KLHL1: variants seen among roughly 807,000 people sequenced by gnomAD.
KLHL1 encodes kelch like family member 1.
Under a neutral mutation model 77.7 loss-of-function variants are expected in KLHL1, and 47 were observed. The observed-to-expected ratio is 0.60, with a 90% confidence interval of 0.48 to 0.77. The LOEUF (loss-of-function observed/expected upper bound fraction) is 0.77. Ranked by LOEUF, KLHL1 falls within the 30% of genes least tolerant of loss-of-function variation. The pLI is 0.00. For synonymous variants in KLHL1, 360 were observed against 325.2 expected, an observed-to-expected ratio of 1.11 and a Z score of -1.15; for missense variants, 925 against 910.8, an observed-to-expected ratio of 1.02 and a Z score of -0.20.
intron 1 of KLHL1, among the ~76,000 whole-genome samples, chr13:70,008,416 A>G (rs899022912): frequency 1.3e-4 from 20 of 152,076 alleles, no homozygotes; most frequent in Admixed American, 9.2e-4. Flanking sequence ...CTATGAACAT[A>G]TAAGTGTGTA....
chr13:69,924,521 C>A (rs1015910840), intron 4 of KLHL1, among the ~76,000 whole-genome samples: 6 of 152,158 alleles, frequency 3.9e-5, no homozygotes, highest in African/African-American at 1.4e-4. Context: ...CAGAGTGAAG[C>A]TACCCACAGA....
At chr13:69,863,898 A>G (rs1880269016) in intron 5 of KLHL1, among the ~76,000 whole-genome samples, 1 of 152,002 alleles carries the variant, frequency 6.6e-6, no homozygotes, top group Admixed American at 6.6e-5. Flanking sequence ...TGAGCTATGA[A>G]CCTTGCCTTG....
chr13:69,907,934 A>G lies in KLHL1; in HGVS notation c.1015-25439T>C, dbSNP rs567753180. On this transcript the variant is annotated intron_variant, in intron 4 of 10. Transcript: ENST00000377844. Reference sequence around the variant, plus strand: ...ATGGTGGGAGTGAAGAAAAGGGAGAATCTATTTCAGCCACCAATTTATTAG... The same window carrying G: ...ATGGTGGGAGTGAAGAAAAGGGAGAGTCTATTTCAGCCACCAATTTATTAG... Among the ~76,000 whole-genome samples the G allele has an allele frequency of 2.0e-5, 3 of 152,224 alleles. No individual in the cohort carries two copies. In the South Asian group the frequency reaches 6.2e-4, roughly 32 times the overall value.
At chr13:69,864,090 A>G (rs1448190131) in intron 5 of KLHL1, among the ~76,000 whole-genome samples, 1 of 151,990 alleles carries the variant, frequency 6.6e-6, no homozygotes, top group Non-Finnish European at 1.5e-5. Flanking sequence ...TGAAAAAAAA[A>G]TTCTTTTTCT....
intron 1 of KLHL1, among the ~76,000 whole-genome samples, chr13:70,068,098 T>C (rs1405215542): frequency 6.6e-6 from 1 of 150,498 alleles, no homozygotes; most frequent in Non-Finnish European, 1.5e-5. Flanking sequence ...TCCCAGCACT[T>C]TGGGAGGCCG....
At chr13:70,022,320 G>C (rs1343708521) in intron 1 of KLHL1, among the ~76,000 whole-genome samples, 1 of 148,496 alleles carries the variant, frequency 6.7e-6, no homozygotes, top group Non-Finnish European at 1.5e-5. Context: ...TTTGGTTGTA[G>C]GATCTCTATT....
At chr13:69,801,174 G>C (rs1593844706) in intron 6 of KLHL1, among the ~76,000 whole-genome samples, 1 of 152,100 alleles carries the variant, frequency 6.6e-6, no homozygotes, top group East Asian at 1.9e-4. Context: ...AGGCATGACA[G>C]AGTCCTGACC....
chr13:69,762,945 T>A (rs996358217), intron 7 of KLHL1, among the ~76,000 whole-genome samples: 11 of 152,042 alleles, frequency 7.2e-5, no homozygotes, highest in African/African-American at 2.2e-4. Context: ...TCTTGCTCCA[T>A]AATCAGTCAG....
At chr13:70,051,544 T>C (rs2137392462) in intron 1 of KLHL1, among the ~76,000 whole-genome samples, 1 of 152,192 alleles carries the variant, frequency 6.6e-6, no homozygotes, top group Admixed American at 6.5e-5. Context: ...AAGCACTTTA[T>C]CTAGACCATT....
chr13:69,837,644 G>C (rs905843349), intron 6 of KLHL1, among the ~76,000 whole-genome samples: 1 of 123,828 alleles, frequency 8.1e-6, no homozygotes. Context: ...ATATATATAT[G>C]TGTATATATA....
chr13:69,937,679 A>T (rs762029316), intron 4 of KLHL1, among the ~76,000 whole-genome samples: 6 of 152,174 alleles, frequency 3.9e-5, no homozygotes, highest in Admixed American at 2.6e-4. Context: ...AAAATTCTCC[A>T]GTATTTTGCA....
chr13:69,708,213 C>A (rs140589505), intron 9 of KLHL1, among the ~76,000 whole-genome samples: 130 of 151,992 alleles, frequency 8.6e-4, no homozygotes, highest in Non-Finnish European at 1.4e-3. Flanking sequence ...TCCTTTAAAC[C>A]AGTTCTGAAA....
chr13:70,043,091 G>A (rs555052179), intron 1 of KLHL1, among the ~76,000 whole-genome samples: 2 of 152,266 alleles, frequency 1.3e-5, no homozygotes, highest in South Asian at 4.1e-4. Flanking sequence ...ATTTAGTGGA[G>A]ACTGGGTTTC....
chr13:70,091,067 T>C (rs1174810299), intron 1 of KLHL1, among the ~76,000 whole-genome samples: 3 of 152,192 alleles, frequency 2.0e-5, no homozygotes, highest in Admixed American at 2.0e-4. Context: ...CCCGTGCTTA[T>C]GACTCTCAAC....
intron 1 of KLHL1, among the ~76,000 whole-genome samples, chr13:70,091,626 C>T (rs1323763920): frequency 6.6e-6 from 1 of 152,144 alleles, no homozygotes; most frequent in Non-Finnish European, 1.5e-5. Flanking sequence ...ACCTTTCCTT[C>T]AAATCCTAAT....
At chr13:69,750,498 A>G (rs1874427315) in intron 7 of KLHL1, among the ~76,000 whole-genome samples, 1 of 151,782 alleles carries the variant, frequency 6.6e-6, no homozygotes, top group Non-Finnish European at 1.5e-5. Flanking sequence ...GATATTAAAT[A>G]TACATGTATG....
At chr13:69,998,812 G>C (rs557414999) in intron 1 of KLHL1, among the ~76,000 whole-genome samples, 3 of 151,980 alleles carry the variant, frequency 2.0e-5, no homozygotes, top group Non-Finnish European at 4.4e-5. Context: ...TAGTCTGAAG[G>C]CTCAACTGCA....
At chr13:69,918,574 G>A (rs762989354) in intron 4 of KLHL1, among the ~76,000 whole-genome samples, 1 of 151,352 alleles carries the variant, frequency 6.6e-6, no homozygotes, top group South Asian at 2.1e-4. Flanking sequence ...TACACACTTA[G>A]TTAATGGCAG....
At position 70,108,086 on chromosome 13, in the gene KLHL1, C is replaced by T. The variant is rs1888122178; in HGVS notation, c.-387G>A. The T allele has an allele frequency of 4.8e-6, 2 of 414,088 alleles. No homozygotes were observed. Among genetic ancestry groups the T allele is most frequent in the Non-Finnish European group, 4.3e-6 (1 of 234,922 alleles). The allele number at this position is 414,088 out of a possible 1,614,324, so 25.7% of individuals were successfully genotyped here. The stretch of plus-strand genomic sequence containing the variant: ...TCTGAGCGCTCCGAAGCTCCGGAGG[C>T]GGCTGCAGCTGGATACACCTCACTG... On this transcript the variant is annotated 5_prime_UTR_variant, in exon 1 of 11. Transcript: ENST00000377844.
Sources: gnomAD v4.1 joint callset for allele counts (sites outside exome capture counted in the v4.1 genomes callset) on GRCh38, gnomAD v4.1.1 for gene constraint, MANE v1.5 for transcripts, NCBI Gene and HGNC (gene_info 2026-07-23, HGNC 2026-07-21) for gene names.